The following GALNT13 variants were observed in gnomAD, a reference collection of about 807,000 sequenced individuals.
The protein encoded by GALNT13 is UDP-GalNAc:polypeptide N-acetylgalactosaminyltransferase 13.
A neutral mutation model predicts 64.2 loss-of-function variants in GALNT13; 28 were observed. That is an observed-to-expected ratio of 0.44 (90% confidence interval 0.32 to 0.60). The LOEUF (loss-of-function observed/expected upper bound fraction) is 0.60, where lower values mean the gene tolerates loss of function less well. Among genes scored for constraint, GALNT13 ranks in the 20% least tolerant of loss-of-function variants. The pLI is 0.05. For synonymous variants in GALNT13, 214 were observed against 224.6 expected (o/e 0.95, Z 0.42); for missense variants, 577 against 669.8 (o/e 0.86, Z 1.53).
rs576651931 is a variant in GALNT13 at position 153,895,066 on chromosome 2, A to G, written c.-176-5870A>G. Reference sequence around the variant, plus strand: ...AATCTACAGACTAGGAAAATTGCTAAATCTATGGGAATTTGCAGGAATCTA... The same window carrying G: ...AATCTACAGACTAGGAAAATTGCTAGATCTATGGGAATTTGCAGGAATCTA... On this transcript the variant is annotated intron_variant, in intron 1 of 12. Transcript: ENST00000392825. 3.3e-5 allele frequency among the ~76,000 whole-genome samples: 5 copies of G among 152,272 alleles called. No homozygotes were observed. The South Asian group carries it at 1.0e-3, about 32-fold the overall frequency.
chr2:153,378,508 C>CAAG, the GALNT13 span, among the ~76,000 whole-genome samples: 4 of 152,070 alleles, frequency 2.6e-5, no homozygotes, highest in South Asian at 8.3e-4. Flanking sequence ...CAATCATGGC[C>CAAG]AAGAAGTCAA....
chr2:153,863,604 C>T, the GALNT13 span, among the ~76,000 whole-genome samples: 20 of 152,104 alleles, frequency 1.3e-4, no homozygotes, highest in Non-Finnish European at 2.9e-5. Context: ...TTTTGATAAA[C>T]ATTCATGTTT....
intron 9 of GALNT13, among the ~76,000 whole-genome samples, chr2:154,302,864 C>A (rs1162265655): frequency 1.3e-5 from 2 of 152,068 alleles, no homozygotes; most frequent in Non-Finnish European, 2.9e-5. Context: ...GCAAGTGTTT[C>A]CTATTCAAAC....
the GALNT13 span, among the ~76,000 whole-genome samples, chr2:153,130,467 G>A: frequency 6.6e-6 from 1 of 152,210 alleles, no homozygotes; most frequent in Admixed American, 6.5e-5. Context: ...ATTGCTATTT[G>A]CTGAAAACTC....
the GALNT13 span, among the ~76,000 whole-genome samples, chr2:153,187,141 T>A: frequency 6.6e-6 from 1 of 152,224 alleles, no homozygotes; most frequent in African/African-American, 2.4e-5. Context: ...TGCTGAATTC[T>A]TTTACATAAT....
the GALNT13 span, among the ~76,000 whole-genome samples, chr2:153,557,337 T>C: frequency 1.3e-5 from 2 of 152,200 alleles, no homozygotes; most frequent in African/African-American, 4.8e-5. Flanking sequence ...TATGATGTTT[T>C]CACAAATACG....
At chr2:153,863,740 T>C in the GALNT13 span, among the ~76,000 whole-genome samples, 4 of 152,166 alleles carry the variant, frequency 2.6e-5, no homozygotes, top group East Asian at 7.7e-4. Flanking sequence ...TTAATATATA[T>C]ATTTAACGAA....
chr2:153,797,233 C>T, the GALNT13 span, among the ~76,000 whole-genome samples: 12 of 152,096 alleles, frequency 7.9e-5, no homozygotes, highest in Non-Finnish European at 1.2e-4. Context: ...GTAAAAGCAT[C>T]TAGTACTCAG....
At chr2:153,068,649 T>TAG in the GALNT13 span, among the ~76,000 whole-genome samples, 78 of 152,310 alleles carry the variant, frequency 5.1e-4, no homozygotes, top group Non-Finnish European at 8.4e-4. Flanking sequence ...TTTTTTATGG[T>TAG]AGATATGTAA....
the GALNT13 span, among the ~76,000 whole-genome samples, chr2:153,680,402 GA>G: frequency 6.6e-6 from 1 of 151,770 alleles, no homozygotes; most frequent in Non-Finnish European, 1.5e-5. Context: ...TACAAAAACA[GA>G]AGACAATAAA....
the GALNT13 span, among the ~76,000 whole-genome samples, chr2:153,623,553 C>T: frequency 6.6e-6 from 1 of 151,924 alleles, no homozygotes; most frequent in Non-Finnish European, 1.5e-5. Flanking sequence ...AGCAAGTTCC[C>T]TCCAAATGAT....
At chr2:153,199,684 A>T in the GALNT13 span, among the ~76,000 whole-genome samples, 2 of 152,204 alleles carry the variant, frequency 1.3e-5, no homozygotes, top group African/African-American at 4.8e-5. Flanking sequence ...TAAATATAAG[A>T]TACGATTGGA....
At chr2:154,355,674 C>T (rs1158954265) in intron 9 of GALNT13, among the ~76,000 whole-genome samples, 1 of 151,962 alleles carries the variant, frequency 6.6e-6, no homozygotes, top group East Asian at 1.9e-4. Flanking sequence ...ATAAATGTAG[C>T]AAGTATTTCT....
At chr2:153,552,669 TA>T in the GALNT13 span, among the ~76,000 whole-genome samples, 28 of 148,612 alleles carry the variant, frequency 1.9e-4, 1 homozygote, top group Admixed American at 8.3e-4. Flanking sequence ...TGGCAGTTGA[TA>T]AAAGAAGCAA....
the GALNT13 span, among the ~76,000 whole-genome samples, chr2:153,580,311 G>A: frequency 2.0e-5 from 3 of 151,546 alleles, no homozygotes; most frequent in Admixed American, 2.0e-4. Context: ...TACCCAACTT[G>A]AGCAAACATT....
chr2:153,530,755 T>C, the GALNT13 span, among the ~76,000 whole-genome samples: 1 of 152,152 alleles, frequency 6.6e-6, no homozygotes, highest in African/African-American at 2.4e-5. Context: ...GTAAACTTGT[T>C]TTCCATGAAT....
intron 3 of GALNT13, among the ~76,000 whole-genome samples, chr2:153,984,073 CT>C (rs11356122): frequency 0.49 from 74,116 of 150,850 alleles, 19,870 homozygotes; most frequent in East Asian, 0.78. Context: ...CCATTCAGTG[CT>C]TTTTTTTTTA....
the GALNT13 span, among the ~76,000 whole-genome samples, chr2:153,626,002 C>A: frequency 4.2e-4 from 64 of 152,064 alleles, 1 homozygote; most frequent in Non-Finnish European, 7.5e-4. Context: ...TGCTATTACT[C>A]TTTCCATTTT....
intron 3 of GALNT13, among the ~76,000 whole-genome samples, chr2:153,988,306 AC>A (rs2105180280): frequency 6.6e-6 from 1 of 151,974 alleles, no homozygotes; most frequent in East Asian, 1.9e-4. Flanking sequence ...TTGCTCAACA[AC>A]TTTTCATTCC....
Sources: gnomAD v4.1 joint callset for allele counts (sites outside exome capture counted in the v4.1 genomes callset) on GRCh38, gnomAD v4.1.1 for gene constraint, MANE v1.5 for transcripts, NCBI Gene and HGNC (gene_info 2026-07-23, HGNC 2026-07-21) for gene names.